Variants in DOCK8 observed in about 807,000 individuals in gnomAD.
DOCK8 encodes dedicator of cytokinesis 8.
In DOCK8, 141 loss-of-function variants were observed where a neutral mutation model predicts 245.6. The observed-to-expected ratio is 0.57, with a 90% CI of 0.50 to 0.66. The LOEUF (loss-of-function observed/expected upper bound fraction) is 0.66. DOCK8 is among the 30% of genes least tolerant of loss of function. DOCK8 has a pLI of 0.00. For missense variants in DOCK8, 2,965 were observed against 2,603.4 expected (o/e 1.14, Z -3.02); for synonymous variants, 1,168 against 970.2 (o/e 1.20, Z -3.79).
intron 14 of DOCK8, among the ~76,000 whole-genome samples, chr9:359,041 T>C (rs1041494886): frequency 6.6e-6 from 1 of 152,196 alleles, no homozygotes; most frequent in Admixed American, 6.5e-5. Context: ...AAAATGTAGG[T>C]TCTCATCTAG....
chr9:461,959 ATTTAT>A (rs2057818377), intron 46 of DOCK8, among the ~76,000 whole-genome samples: 2 of 142,846 alleles, frequency 1.4e-5, no homozygotes. Flanking sequence ...TATACCTTTT[ATTTAT>A]TTTCTTTTTT....
At chr9:421,345 C>T (rs1466651613) in intron 32 of DOCK8, among the ~76,000 whole-genome samples, 1 of 152,188 alleles carries the variant, frequency 6.6e-6, no homozygotes, top group Non-Finnish European at 1.5e-5. Flanking sequence ...AAAAGGTCAC[C>T]TCTAAGAATG....
intron 7 of DOCK8, 114 bp from the exon 8 acceptor site, chr9:325,557 A>G: frequency 2.3e-6 from 2 of 885,044 alleles, no homozygotes; most frequent in Non-Finnish European, 3.8e-6. Flanking sequence ...GAGTTTTCCA[A>G]ATATTTCGGG....
chr9:226,717 TGAATCAAGGG>T (rs2046997078), intron 1 of DOCK8, among the ~76,000 whole-genome samples: 1 of 151,974 alleles, frequency 6.6e-6, no homozygotes, highest in South Asian at 2.1e-4. Context: ...GCTTTTAGGG[TGAATCAAGGG>T]TTTAACTGGG....
chr9:405,258 T>C (rs2055358713), intron 27 of DOCK8, among the ~76,000 whole-genome samples, 185 bp downstream of exon 27: 1 of 152,190 alleles, frequency 6.6e-6, no homozygotes, highest in Non-Finnish European at 1.5e-5. Context: ...ATCTAAGTAA[T>C]TGGTTTCTCC....
chr9:378,902 A>C (rs1410864848), intron 20 of DOCK8, among the ~76,000 whole-genome samples: 2 of 152,194 alleles, frequency 1.3e-5, no homozygotes, highest in Non-Finnish European at 2.9e-5. Context: ...ACAGTTTACC[A>C]CCAGACATGG....
intron 39 of DOCK8, among the ~76,000 whole-genome samples, chr9:436,643 C>CTAA (rs1425292599): frequency 6.6e-6 from 1 of 152,098 alleles, no homozygotes; most frequent in Admixed American, 6.5e-5. Context: ...AGTTGATTTG[C>CTAA]TAATAATGAC....
At chr9:235,553 G>A (rs1482547856) in intron 1 of DOCK8, among the ~76,000 whole-genome samples, 1 of 152,126 alleles carries the variant, frequency 6.6e-6, no homozygotes, top group African/African-American at 2.4e-5. Flanking sequence ...CACCCAGTTC[G>A]AGCTTCCCGG....
At chr9:463,725 A>T in intron 47 of DOCK8, 38 bp downstream of exon 47, 1 of 1,612,614 alleles carries the variant, frequency 6.2e-7, no homozygotes, top group Non-Finnish European at 8.5e-7. Flanking sequence ...CCTGTGGGAT[A>T]AAGAGCAGCG....
At chr9:217,185 G>T (rs1438914850) in intron 1 of DOCK8, among the ~76,000 whole-genome samples, 1 of 152,196 alleles carries the variant, frequency 6.6e-6, no homozygotes, top group African/African-American at 2.4e-5. Context: ...TGCTTGTAGT[G>T]TCTGGCTCAG....
chr9:443,564 G>A (rs754704256), intron 43 of DOCK8, 48 bp downstream of exon 43: 151 of 1,441,806 alleles, frequency 1.0e-4, no homozygotes, highest in Middle Eastern at 1.8e-4. Context: ...AAATCCCTTC[G>A]TTCTCTACCC....
intron 22 of DOCK8, among the ~76,000 whole-genome samples, chr9:383,523 ACT>A (rs2053815534): frequency 6.6e-6 from 1 of 151,526 alleles, no homozygotes; most frequent in Admixed American, 6.6e-5. Context: ...CAAGAGCAAA[ACT>A]CTGTCTCAAA....
At chr9:274,264 C>G (rs960593864) in intron 2 of DOCK8, among the ~76,000 whole-genome samples, 4 of 152,096 alleles carry the variant, frequency 2.6e-5, no homozygotes, top group African/African-American at 9.7e-5. Flanking sequence ...TTAAATTATG[C>G]AAGAATCACA....
chr9:377,975 G>T (rs1026644765), intron 20 of DOCK8, among the ~76,000 whole-genome samples: 4 of 152,174 alleles, frequency 2.6e-5, no homozygotes, highest in African/African-American at 9.7e-5. Flanking sequence ...ACCATTTTCA[G>T]CTGTGCCTAT....
intron 28 of DOCK8, among the ~76,000 whole-genome samples, chr9:411,132 G>A (rs1183859819): frequency 6.6e-6 from 1 of 152,158 alleles, no homozygotes; most frequent in African/African-American, 2.4e-5. Context: ...AAAAATTTAG[G>A]CTGGGCGCAG....
At position 328,693 on chromosome 9, in the gene DOCK8, G is replaced by A. The variant is rs1237990411; in HGVS notation, c.1044+522G>A. Among the ~76,000 whole-genome samples the A allele has an allele frequency of 4.6e-5, 7 of 152,154 alleles. 1 individual carries two copies. Among genetic ancestry groups the A allele is most frequent in the African/African-American group, 1.7e-4 (7 of 41,526 alleles). Reference sequence around the variant, plus strand: ...CAAGTCCAGCCTCTTACAAGCTGAAGCGTGGGCTGTGGTTTTCAAGTTTCA... The same window carrying A: ...CAAGTCCAGCCTCTTACAAGCTGAAACGTGGGCTGTGGTTTTCAAGTTTCA... On this transcript the variant is annotated intron_variant, in intron 9 of 47. Coordinates refer to ENST00000432829, the MANE Select transcript of DOCK8 (RefSeq NM_203447.4).
At chr9:262,648 G>A (rs184131219) in intron 1 of DOCK8, among the ~76,000 whole-genome samples, 2 of 151,794 alleles carry the variant, frequency 1.3e-5, no homozygotes, top group Admixed American at 1.3e-4. Flanking sequence ...GTGACAGAAA[G>A]CAAATTAGTA....
chr9:290,701 G>T (rs1350557424), intron 4 of DOCK8, among the ~76,000 whole-genome samples: 1 of 152,188 alleles, frequency 6.6e-6, no homozygotes, highest in Non-Finnish European at 1.5e-5. Context: ...ACTCTCTACA[G>T]ATTAGGGCAC....
At chr9:255,667 CCAAAAA>C (rs200593692) in intron 1 of DOCK8, among the ~76,000 whole-genome samples, 2,825 of 41,186 alleles carry the variant, frequency 0.069, 40 homozygotes, top group South Asian at 0.2. Context: ...GACTCCATCT[CCAAAAA>C]AAAAAAAAAA....
Sources: allele counts gnomAD v4.1 joint callset (sites outside exome capture counted in the v4.1 genomes callset), GRCh38; gene constraint gnomAD v4.1.1; transcripts MANE v1.5; gene names NCBI Gene and HGNC (gene_info 2026-07-23, HGNC 2026-07-21).